Variants in NOTUM observed in about 807,000 individuals in gnomAD.
NOTUM encodes palmitoleoyl-protein carboxylesterase NOTUM.
In NOTUM, 36 loss-of-function variants were observed where a neutral mutation model predicts 65.5. That is an observed-to-expected ratio of 0.55 (90% CI 0.42 to 0.73). The LOEUF (loss-of-function observed/expected upper bound fraction) is 0.73. Ranked by LOEUF, NOTUM falls within the 30% of genes least tolerant of loss-of-function variation. The pLI is 0.00. For missense variants in NOTUM, 659 were observed against 694.2 expected (o/e 0.95, Z 0.57); for synonymous variants, 356 against 297.9 (o/e 1.20, Z -2.01).
chr17:81,959,401 C>T, intron 3 of NOTUM, 70 bp downstream of exon 3: 6 of 1,217,706 alleles, frequency 4.9e-6, no homozygotes, highest in Non-Finnish European at 6.9e-6. Flanking sequence ...CTGGCTGGGG[C>T]TCCAGGAGGC....
In NOTUM at chr17:81,960,866, T is replaced by TGCAGCAGGCTCAGCAGCA. The variant is rs1467607170; in HGVS notation, c.26_43dup (p.Leu9_Leu14dup). ...CCTGCCCTCGCTGCCCCCGGCGCAG[T>TGCAGCAGGCTCAGCAGCA]GCAGCAGGCTCAGCAGCAGCAGCAC... On this transcript the variant is annotated inframe_insertion, in exon 1 of 11. Transcript: ENST00000409678. This position sits in a 1 kb window ranked among gnomAD's most constrained non-coding sequence, Gnocchi z 6.4. The TGCAGCAGGCTCAGCAGCA allele has an allele frequency of 1.4e-6, 2 of 1,434,730 alleles. No homozygotes were observed. Among genetic ancestry groups the TGCAGCAGGCTCAGCAGCA allele is most frequent in the Admixed American group, 2.7e-5 (1 of 37,460 alleles). 88.9% of individuals were successfully genotyped at this position (1,434,730 alleles called of 1,614,324 possible). A position where few individuals can be genotyped will look rare whatever the true frequency, so the allele number is the denominator to read the frequency against.
intron 9 of NOTUM, among the ~76,000 whole-genome samples, chr17:81,954,959 C>CCTCTCTCTCTTTCT (rs1567937747): frequency 6.5e-5 from 3 of 46,510 alleles, no homozygotes; most frequent in Non-Finnish European, 2.0e-4. Context: ...CTCTCTCTCT[C>CCTCTCTCTCTTTCT]CTCTCTCTCT....
Position 81,960,878 on chromosome 17 carries a change from A to G in NOTUM, c.32T>C (p.Leu11Pro). The G allele has an allele frequency of 7.3e-7, 1 of 1,379,066 alleles. No individual in the cohort carries two copies. The highest frequency in any genetic ancestry group is 9.4e-7 in the Non-Finnish European group (1 of 1,067,680). 85.4% of individuals were successfully genotyped at this position (1,379,066 alleles called of 1,614,324 possible). The change falls in exon 1 of 11, where the codon CTG becomes CCG. Residue 11 changes from leucine to proline, a missense_variant. Coordinates refer to ENST00000409678, the MANE Select transcript of NOTUM (RefSeq NM_178493.6). The surrounding 1 kb of genome is among the most constrained non-coding windows in gnomAD (Gnocchi z 6.4). MGRGVRVLLL[L>P]SLLHCAGGSE... ...GCCCCCGGCGCAGTGCAGCAGGCTC[A>G]GCAGCAGCAGCACGCGCACCCCTCG... is the stretch of plus-strand genomic sequence containing the variant.
intron 3 of NOTUM, chr17:81,959,237 C>T (rs891771302): frequency 2.1e-5 from 13 of 610,778 alleles, no homozygotes; most frequent in South Asian, 1.6e-4. Context: ...TGACTTCAAC[C>T]CCTTGCCCTG....
Position 81,960,348 on chromosome 17 carries a change from G to C in NOTUM, c.323+239C>G, listed in dbSNP as rs542558684. ...CGGGACCGAAGGACGCCAGCAGAGC[G>C]GCTGGGCCCAGAGGCCGAGGGGTCA... On this transcript the variant is annotated intron_variant, in intron 1 of 10. Transcript: ENST00000409678. This position sits in a 1 kb window ranked among gnomAD's most constrained non-coding sequence, Gnocchi z 6.4. Among the ~76,000 whole-genome samples the C allele has an allele frequency of 4.5e-4, 68 of 152,318 alleles. No homozygotes were observed. The highest frequency in any genetic ancestry group is 1.5e-3 in the African/African-American group (64 of 41,584).
At position 81,960,430 on chromosome 17, in the gene NOTUM, G is replaced by C. The variant is rs1005601945; in HGVS notation, c.323+157C>G. ...AGCGCCGCTCCGCTCCCCACGCGGAGAGTCACCGAACCGGGCACTCCTCGG... is the reference window on the plus strand; with the variant it reads ...AGCGCCGCTCCGCTCCCCACGCGGACAGTCACCGAACCGGGCACTCCTCGG... On this transcript the variant is annotated intron_variant, in intron 1 of 10. Coordinates refer to ENST00000409678, the MANE Select transcript of NOTUM (RefSeq NM_178493.6). This position sits in a 1 kb window ranked among gnomAD's most constrained non-coding sequence, Gnocchi z 6.4. Among the ~76,000 whole-genome samples the C allele has an allele frequency of 1.3e-5, 2 of 152,310 alleles. No individual in the cohort carries two copies. Among genetic ancestry groups the C allele is most frequent in the Admixed American group, 6.5e-5 (1 of 15,312 alleles).
In NOTUM at chr17:81,960,370, G is replaced by C. The variant is rs1017930672; in HGVS notation, c.323+217C>G. On this transcript the variant is annotated intron_variant, in intron 1 of 10. Coordinates refer to ENST00000409678, the MANE Select transcript of NOTUM (RefSeq NM_178493.6). This position sits in a 1 kb window ranked among gnomAD's most constrained non-coding sequence, Gnocchi z 6.4. ...AGCGGCTGGGCCCAGAGGCCGAGGG[G>C]TCAGTGCCCGAGCTGGCCGGGGACC... Among the ~76,000 whole-genome samples, 1 of 152,214 alleles carries C rather than the reference G, an allele frequency of 6.6e-6. No homozygotes were observed. The highest frequency in any genetic ancestry group is 6.5e-5 in the Admixed American group (1 of 15,294).
At position 81,954,248 on chromosome 17, in the gene NOTUM, A is replaced by C. The variant is rs1449980109; in HGVS notation, c.1184+8T>G. ...TGGACGCAAGCTGCCCGGAGCAGGG[A>C]CACTGACCTCCGGATGATGATCTCA... On this transcript the variant is annotated splice_region_variant and intron_variant, in intron 10 of 10. Transcript: ENST00000409678. The C allele has an allele frequency of 1.2e-6, 2 of 1,606,062 alleles. No homozygotes were observed. Among genetic ancestry groups the C allele is most frequent in the Non-Finnish European group, 1.7e-6 (2 of 1,172,678 alleles).
intron 8 of NOTUM, among the ~76,000 whole-genome samples, chr17:81,956,433 C>CCCCTGGCACACAGCCGGCCTCCT (rs2041433646): frequency 1.3e-5 from 2 of 152,086 alleles, no homozygotes; most frequent in African/African-American, 4.8e-5. Flanking sequence ...GCGACTAGGC[C>CCCCTGGCACACAGCCGGCCTCCT]CCCTGGCACA....
At chr17:81,957,711 T>A in intron 6 of NOTUM, 95 bp downstream of exon 6, 1 of 848,132 alleles carries the variant, frequency 1.2e-6, no homozygotes, top group South Asian at 1.5e-5. Context: ...CTCCACTCCA[T>A]CCTCGCCTCT....
In NOTUM at chr17:81,956,637, G is replaced by C. The variant is rs761416779; in HGVS notation, c.988+13C>G. 3.8e-6 allele frequency: 6 copies of C among 1,580,820 alleles called. No homozygotes were observed. Among genetic ancestry groups the C allele is most frequent in the Non-Finnish European group, 5.2e-6 (6 of 1,151,288 alleles). On this transcript the variant is annotated intron_variant, in intron 8 of 10. Coordinates refer to ENST00000409678, the MANE Select transcript of NOTUM (RefSeq NM_178493.6). Reference sequence around the variant, plus strand: ...CCTGCTGCCCTGTGTGCTCCGCTCTGCCGCCCACTCACAGCGCAGGGTCGG... The same window carrying C: ...CCTGCTGCCCTGTGTGCTCCGCTCTCCCGCCCACTCACAGCGCAGGGTCGG...
In NOTUM at chr17:81,955,522, C is replaced by A; in HGVS notation, c.1011G>T (p.Trp337Cys). The change falls in exon 9 of 11, where the codon TGG (tryptophan) becomes TGT (cysteine). Residue 337 changes from tryptophan (W) to cysteine (C), a missense_variant. Transcript: ENST00000409678. ...CCGTCAGCTGTGCCTCGTCAAACAG[C>A]CACTGCACCACGAACACAGGGCCTG... ...TLRCPVFVVQ[W>C]LFDEAQLTVD... 6.2e-7 allele frequency: 1 copy of A among 1,611,282 alleles called. No homozygotes were observed. The highest frequency in any genetic ancestry group is 2.2e-5 in the East Asian group (1 of 44,844).
chr17:81,960,773 C>T lies in NOTUM; in HGVS notation c.137G>A (p.Gly46Glu). 1 of 1,570,886 alleles carries T rather than the reference C, an allele frequency of 6.4e-7. No homozygotes were observed. Among genetic ancestry groups the T allele is most frequent in the East Asian group, 2.3e-5 (1 of 42,890 alleles). Reference protein sequence around the residue: ...PPRTEAAPAAGQPVESFPLDF... With the variant: ...PPRTEAAPAAEQPVESFPLDF... ...CAGCGGGAAGCTCTCCACGGGCTGT[C>T]CGGCCGCCGGCGCCGCCTCGGTCCG... The change falls in exon 1 of 11, where the codon GGA becomes GAA. Residue 46 changes from glycine to glutamate, a missense_variant. By Grantham distance (98) the Gly-to-Glu change is moderately conservative. Coordinates refer to ENST00000409678, the MANE Select transcript of NOTUM (RefSeq NM_178493.6). This position sits in a 1 kb window ranked among gnomAD's most constrained non-coding sequence, Gnocchi z 6.4.
At chr17:81,958,796 A>T in intron 4 of NOTUM, 139 bp downstream of exon 4, 1 of 676,596 alleles carries the variant, frequency 1.5e-6, no homozygotes, top group Non-Finnish European at 2.6e-6. Context: ...CCCCTCTAGG[A>T]CAGGACCTCC....
rs1231384365 is a variant in NOTUM, at chr17:81,960,689, G to A, written c.221C>T (p.Ala74Val). The A allele has an allele frequency of 1.9e-6, 3 of 1,601,286 alleles. No homozygotes were observed. The highest frequency in any genetic ancestry group is 1.3e-5 in the African/African-American group (1 of 74,728). The change falls in exon 1 of 11, where the codon GCG (alanine) becomes GTG (valine). Residue 74 changes from alanine to valine, a missense_variant. Physicochemically the swap from Ala to Val is moderately conservative, Grantham distance 64. Coordinates refer to ENST00000409678, the MANE Select transcript of NOTUM (RefSeq NM_178493.6). The surrounding 1 kb of genome is among the most constrained non-coding windows in gnomAD (Gnocchi z 6.4). ...DSFMAQVKSL[A>V]QSLYPCSAQQ... Reference sequence around the variant, plus strand: ...CGCGGAGCAGGGGTACAGGGACTGCGCCAGGCTCTTGACTTGCGCCATGAA... The same window carrying A: ...CGCGGAGCAGGGGTACAGGGACTGCACCAGGCTCTTGACTTGCGCCATGAA...
In NOTUM at chr17:81,960,831, G is replaced by T; in HGVS notation, c.79C>A (p.Arg27=). 2.0e-6 allele frequency: 3 copies of T among 1,519,370 alleles called. No individual in the cohort carries two copies. The highest frequency in any genetic ancestry group is 2.6e-6 in the Non-Finnish European group (3 of 1,136,112). The allele number at this position is 1,519,370 out of a possible 1,614,324, so 94.1% of individuals were successfully genotyped here. ...GGAGGCGGCTGCTGACCCCGGCGCC[G>T]CCAGGTCTTCCTGCCCTCGCTGCCC... is the stretch of plus-strand genomic sequence containing the variant. ...AGGSEGRKTW[R]RRGQQPPPPP... is the part of the protein sequence containing the mutation. Residue 27 remains arginine, a synonymous_variant, in exon 1 of 11, where the codon CGG becomes AGG. Transcript: ENST00000409678. The surrounding 1 kb of genome is among the most constrained non-coding windows in gnomAD (Gnocchi z 6.4).
In NOTUM at chr17:81,960,138, G is replaced by T. The variant is rs1437799760; in HGVS notation, c.324-446C>A. 6.6e-6 allele frequency among the ~76,000 whole-genome samples: 1 copy of T among 152,052 alleles called. No homozygotes were observed. The highest frequency in any genetic ancestry group is 1.5e-5 in the Non-Finnish European group (1 of 67,978). ...CCCCGACCCCACGCCCAAGTCTCCCGCTGTCCCCGGCTGTCCTCGGCCTGT... is the reference window on the plus strand; with the variant it reads ...CCCCGACCCCACGCCCAAGTCTCCCTCTGTCCCCGGCTGTCCTCGGCCTGT... On this transcript the variant is annotated intron_variant, in intron 1 of 10. Transcript: ENST00000409678. This position sits in a 1 kb window ranked among gnomAD's most constrained non-coding sequence, Gnocchi z 6.4.
Position 81,958,803 on chromosome 17 carries a change from C to G in NOTUM, c.533+132G>C, listed in dbSNP as rs557182995. Reference sequence around the variant, plus strand: ...CTCCAGAACCCCTCTAGGACAGGACCTCCCCAAAAGAACCATCCAGAACAG... The same window carrying G: ...CTCCAGAACCCCTCTAGGACAGGACGTCCCCAAAAGAACCATCCAGAACAG... On this transcript the variant is annotated intron_variant, in intron 4 of 10. Coordinates refer to ENST00000409678, the MANE Select transcript of NOTUM (RefSeq NM_178493.6). 3.7e-5 allele frequency: 26 copies of G among 695,694 alleles called. No individual in the cohort carries two copies. The African/African-American group carries it at 4.3e-4, about 11-fold the overall frequency. The allele number at this position is 695,694 out of a possible 1,614,324, so 43.1% of individuals were successfully genotyped here.
At position 81,960,485 on chromosome 17, in the gene NOTUM, C is replaced by T. The variant is rs570706136; in HGVS notation, c.323+102G>A. 5,036 of 820,292 alleles carry T rather than the reference C, an allele frequency of 6.1e-3. 22 individuals carry two copies. Among genetic ancestry groups the T allele is most frequent in the Non-Finnish European group, 7.1e-3 (3,959 of 559,600 alleles). 50.8% of individuals were successfully genotyped at this position (820,292 alleles called of 1,614,324 possible). A position where few individuals can be genotyped will look rare whatever the true frequency, so the allele number is the denominator to read the frequency against. Reference sequence around the variant, plus strand: ...AGGACCGCGGGGCGCCCGACGGAAGCCCTTTCTCCCCGGGGAGAGAACGGC... The same window carrying T: ...AGGACCGCGGGGCGCCCGACGGAAGTCCTTTCTCCCCGGGGAGAGAACGGC... On this transcript the variant is annotated intron_variant, in intron 1 of 10. Transcript: ENST00000409678. This position sits in a 1 kb window ranked among gnomAD's most constrained non-coding sequence, Gnocchi z 6.4.
Sources: gnomAD v4.1 joint callset for allele counts (sites outside exome capture counted in the v4.1 genomes callset) on GRCh38, gnomAD v4.1.1 for gene constraint, Gnocchi (gnomAD v3.1) non-coding constraint, MANE v1.5 for transcripts, NCBI Gene and HGNC (gene_info 2026-07-23, HGNC 2026-07-21) for gene names.